ADH1B: variants seen among roughly 807,000 people sequenced by gnomAD.
ADH1B encodes all-trans-retinol dehydrogenase [NAD(+)] ADH1B.
ADH1B carries 29 observed loss-of-function variants against 34.6 expected under a neutral mutation model. That is an observed-to-expected ratio of 0.84 (90% CI 0.62 to 1.14). The LOEUF (loss-of-function observed/expected upper bound fraction) is 1.14, where lower values mean the gene tolerates loss of function less well. ADH1B is among the 50% of genes most tolerant of loss of function. The pLI is 0.00. For missense variants in ADH1B, 424 were observed against 468.4 expected (o/e 0.91, Z 0.87); for synonymous variants, 170 against 175.5 (o/e 0.97, Z 0.25).
chr4:99,316,933 C>A (rs1448917341), intron 3 of ADH1B: 2 of 150,068 alleles, frequency 1.3e-5, no homozygotes, highest in Non-Finnish European at 3.0e-5. Context: ...AAGTTAGGCA[C>A]TTTCTTTTAG....
Position 99,309,686 on chromosome 4 carries a change from C to T in ADH1B, c.1103+1079G>A, listed in dbSNP as rs548628866. 5.3e-5 allele frequency among the ~76,000 whole-genome samples: 8 copies of T among 152,230 alleles called. No individual in the cohort carries two copies. The South Asian group carries it at 8.3e-4, about 16-fold the overall frequency. ...CGGTGTGGTTTAATAGAAAGTGAAT[C>T]GATTTGCTAAAAACAAGATCTACTT... On this transcript the variant is annotated intron_variant, in intron 8 of 8. Coordinates refer to ENST00000305046, the MANE Select transcript of ADH1B (RefSeq NM_000668.6).
chr4:99,315,980 T>C lies in ADH1B; in HGVS notation c.485A>G (p.Asp162Gly), dbSNP rs1733873584. The change falls in exon 5 of 9, where the codon GAT (aspartate) becomes GGT (glycine). Residue 162 changes from aspartate to glycine, a missense_variant. Around this residue, in one of 3 missense-constraint regions of ADH1B, gnomAD observed 291 missense variants for 300.4 expected, o/e 0.97. Transcript: ENST00000305046. ...GACTTTCTCCAGGGGCGAGGCTGCA[T>C]CAATTTTGGCCACTGCATTCTCATC... ...VVDENAVAKI[D>G]AASPLEKVCL... is the part of the protein sequence containing the mutation. 3.1e-6 allele frequency: 5 copies of C among 1,614,150 alleles called. No homozygotes were observed. Among genetic ancestry groups the C allele is most frequent in the Non-Finnish European group, 3.4e-6 (4 of 1,180,024 alleles).
chr4:99,317,991 G>A (rs900888995), intron 3 of ADH1B, 55 bp downstream of exon 3: 1 of 1,602,024 alleles, frequency 6.2e-7, no homozygotes, highest in Non-Finnish European at 8.5e-7. Flanking sequence ...CCTTATCCAG[G>A]CTGGGAAATC....
rs1229984 is a variant in ADH1B, at chr4:99,318,162, T to G, written c.143A>C (p.His48Pro). The G allele has an allele frequency of 1.3e-5, 21 of 1,613,974 alleles. No individual in the cohort carries two copies. Among genetic ancestry groups the G allele is most frequent in the Non-Finnish European group, 1.8e-5 (21 of 1,180,018 alleles). Reference protein sequence around the residue: ...RIKMVAVGICHTDDHVVSGNL... With the variant: ...RIKMVAVGICPTDDHVVSGNL... ...GCCACTAACCACGTGGTCATCTGTG[T>G]GACAGATTCCTACAGCCACCATCTA... Residue 48 changes from histidine to proline, a missense_variant, in exon 3 of 9, where the codon CAC becomes CCC. Physicochemically the swap from His to Pro is moderately conservative, Grantham distance 77. Coordinates refer to ENST00000305046, the MANE Select transcript of ADH1B (RefSeq NM_000668.6).
Position 99,306,830 on chromosome 4 carries a change from T to C in ADH1B, c.*1010A>G, listed in dbSNP as rs974389839. ...TAGATTGAAAACAATTTTGCAAAAA[T>C]ATACATTTGTATATGTGTATATATG... On this transcript the variant is annotated 3_prime_UTR_variant, in exon 9 of 9. Coordinates refer to ENST00000305046, the MANE Select transcript of ADH1B (RefSeq NM_000668.6). 6.6e-6 allele frequency: 1 copy of C among 152,226 alleles called. No homozygotes were observed. Among genetic ancestry groups the C allele is most frequent in the Non-Finnish European group, 1.5e-5 (1 of 68,032 alleles). The allele number at this position is 152,226 out of a possible 1,614,324, so 9.4% of individuals were successfully genotyped here.
intron 2 of ADH1B, 143 bp downstream of exon 2, chr4:99,318,642 C>A: frequency 1.3e-6 from 1 of 796,196 alleles, no homozygotes; most frequent in South Asian, 2.2e-5. Context: ...TATATTTATA[C>A]CTTTCCTTGA....
chr4:99,318,676 G>A, intron 2 of ADH1B, 109 bp downstream of exon 2: 1 of 1,014,706 alleles, frequency 9.9e-7, no homozygotes, highest in East Asian at 2.6e-5. Flanking sequence ...TTTATCTTCT[G>A]GGTGATCATA....
chr4:99,319,419 C>T (rs1421381475), intron 1 of ADH1B: 1 of 159,696 alleles, frequency 6.3e-6, no homozygotes, highest in Non-Finnish European at 1.4e-5. Context: ...TTTTAATTTT[C>T]TCTCTCCACT....
intron 5 of ADH1B, chr4:99,315,641 A>C: frequency 1.8e-6 from 1 of 547,566 alleles, no homozygotes; most frequent in African/African-American, 1.9e-5. Flanking sequence ...TTAGGTCTAA[A>C]ATTTCATGAT....
intron 8 of ADH1B, among the ~76,000 whole-genome samples, chr4:99,309,723 C>T (rs1439494114): frequency 6.6e-6 from 1 of 152,112 alleles, no homozygotes; most frequent in Non-Finnish European, 1.5e-5. Context: ...TGAATTCTGC[C>T]TCCCCTTCCT....
In ADH1B at chr4:99,321,295, T is replaced by C; in HGVS notation, c.18+19A>G. 1.2e-6 allele frequency: 2 copies of C among 1,601,554 alleles called. No individual in the cohort carries two copies. The highest frequency in any genetic ancestry group is 1.7e-6 in the Non-Finnish European group (2 of 1,169,528). Reference sequence around the variant, plus strand: ...ATTGATGAGAATATATTACCAACAGTAATATATTTTTTGCTTACTTTTCCT... The same window carrying C: ...ATTGATGAGAATATATTACCAACAGCAATATATTTTTTGCTTACTTTTCCT... On this transcript the variant is annotated intron_variant, in intron 1 of 8. Transcript: ENST00000305046.
At chr4:99,310,972 CAAAT>C in intron 7 of ADH1B, 69 bp from the exon 8 acceptor site, 4 of 1,558,262 alleles carry the variant, frequency 2.6e-6, no homozygotes, top group Non-Finnish European at 3.5e-6. Context: ...GAAGATTTTC[CAAAT>C]AAATCAAAGT....
At chr4:99,307,969 G>A in intron 8 of ADH1B, 105 bp from the exon 9 acceptor site, 1 of 1,439,072 alleles carries the variant, frequency 6.9e-7, no homozygotes, top group Non-Finnish European at 9.7e-7. Flanking sequence ...ATCTGTCTGT[G>A]ATCCCAGCTA....
In ADH1B at chr4:99,306,989, T is replaced by G. The variant is rs1478738623; in HGVS notation, c.*851A>C. ...TACACTTAAAGCCACCATATTACTT[T>G]TAATTACTTTATACACATTTTCAGT... On this transcript the variant is annotated 3_prime_UTR_variant, in exon 9 of 9. Transcript: ENST00000305046. The G allele has an allele frequency of 6.6e-6, 1 of 152,202 alleles. No homozygotes were observed. The highest frequency in any genetic ancestry group is 1.5e-5 in the Non-Finnish European group (1 of 68,020). 9.4% of individuals were successfully genotyped at this position (152,202 alleles called of 1,614,324 possible).
chr4:99,320,025 TTTATCTTAAAATTTATTCATTGA>T (rs1235422514), intron 1 of ADH1B: 2 of 152,168 alleles, frequency 1.3e-5, no homozygotes, highest in Non-Finnish European at 2.9e-5. Context: ...ATGCATTATT[TTTATCTTAAAATTTATTCATTGA>T]TTAATTTTTA....
At position 99,310,722 on chromosome 4, in the gene ADH1B, T is replaced by A. The variant is rs773592237; in HGVS notation, c.1103+43A>T. ...TCATTCTCTGCTAGACAATCCCCTA[T>A]GGTAGAAAAAAAAGCAAAACAGAAA... On this transcript the variant is annotated intron_variant, in intron 8 of 8. Transcript: ENST00000305046. 4 of 1,591,120 alleles carry A rather than the reference T, an allele frequency of 2.5e-6. No homozygotes were observed. The African/African-American group carries it at 4.1e-5, about 16-fold the overall frequency.
chr4:99,318,812 A>G lies in ADH1B; in HGVS notation c.93T>C (p.Pro31=). 6.2e-7 allele frequency: 1 copy of G among 1,613,840 alleles called. No individual in the cohort carries two copies. Among genetic ancestry groups the G allele is most frequent in the South Asian group, 1.1e-5 (1 of 91,076 alleles). The stretch of plus-strand genomic sequence containing the variant: ...TAATGCGAACTTCATAAGCCTTAGG[A>G]GGTGCAACCTCCACATCCTCAATGG... The part of the protein sequence containing the change: ...PFSIEDVEVA[P]PKAYEVRIKM... Residue 31 remains proline, a synonymous_variant, in exon 2 of 9, where the codon CCT becomes CCC. Transcript: ENST00000305046.
chr4:99,317,545 G>C (rs919515789), intron 3 of ADH1B: 1 of 152,598 alleles, frequency 6.6e-6, no homozygotes, highest in Admixed American at 6.5e-5. Flanking sequence ...TGTTGGAAGA[G>C]GAAATTGGTG....
chr4:99,319,090 A>G, intron 1 of ADH1B: 1 of 702,434 alleles, frequency 1.4e-6, no homozygotes, highest in South Asian at 1.6e-5. Context: ...AACAAAGTAT[A>G]ATAAGACATT....
Sources: gnomAD v4.1 joint callset for allele counts (sites outside exome capture counted in the v4.1 genomes callset) on GRCh38, gnomAD v4.1.1 for gene constraint, gnomAD v4.1.1 regional missense constraint, MANE v1.5 for transcripts, NCBI Gene and HGNC (gene_info 2026-07-23, HGNC 2026-07-21) for gene names.